The following OR3A2 variants were observed in gnomAD, a reference collection of about 807,000 sequenced individuals.
OR3A2 encodes the protein olfactory receptor family 3 subfamily A member 2.
For missense variants in OR3A2, 318 were observed against 392.8 expected, an observed-to-expected ratio of 0.81 and a Z score of 1.61; for synonymous variants, 126 against 159.3, an observed-to-expected ratio of 0.79 and a Z score of 1.57.
intron 3 of OR3A2, among the ~76,000 whole-genome samples, chr17:3,320,616 C>A (rs1390815953): frequency 6.7e-6 from 1 of 149,976 alleles, no homozygotes; most frequent in Non-Finnish European, 1.5e-5. Flanking sequence ...GTTTTCCCAG[C>A]ACCATTTATT....
intron 3 of OR3A2, among the ~76,000 whole-genome samples, chr17:3,315,250 G>C (rs762897877): frequency 7.2e-5 from 11 of 152,174 alleles, no homozygotes; most frequent in Non-Finnish European, 1.6e-4. Flanking sequence ...TAAGTTCTTT[G>C]AGAAATCTCC....
At chr17:3,369,099 TTTAC>T (rs1339866264) in intron 2 of OR3A2, among the ~76,000 whole-genome samples, 4 of 152,156 alleles carry the variant, frequency 2.6e-5, no homozygotes, top group African/African-American at 9.7e-5. Context: ...ATCCTGAAAG[TTTAC>T]TTAATTCATT....
At position 3,283,945 on chromosome 17, in the gene OR3A2, G is replaced by A. The variant is rs1256885098; in HGVS notation, c.-7+413C>T. On this transcript the variant is annotated intron_variant, in intron 1 of 1. Coordinates refer to ENST00000642052, the Ensembl canonical transcript of OR3A2. The stretch of plus-strand genomic sequence containing the variant: ...CCAGAGGGTCTGACAGGGTCCCCAC[G>A]AGGCCCACTGGGGAGCCCTCCTGCA... Among the ~76,000 whole-genome samples, 2 of 141,626 alleles carry A rather than the reference G, an allele frequency of 1.4e-5. 1 individual carries two copies. The highest frequency in any genetic ancestry group is 5.6e-5 in the African/African-American group (2 of 35,534). The allele number at this position is 141,626 out of a possible 152,430, so 92.9% of individuals were successfully genotyped here.
At chr17:3,278,874 A>C in exon 2 of OR3A2, 6 of 1,517,150 alleles carry the variant, frequency 4.0e-6, no homozygotes, top group Non-Finnish European at 5.3e-6. Flanking sequence ...CAGTAGAATG[A>C]ACTCAGCAAC....
At chr17:3,318,754 C>G (rs1324732786) in intron 3 of OR3A2, among the ~76,000 whole-genome samples, 2 of 152,140 alleles carry the variant, frequency 1.3e-5, no homozygotes, top group Non-Finnish European at 2.9e-5. Context: ...CAGCTATTTC[C>G]CTAAATGGGC....
chr17:3,319,900 G>A (rs558832231), intron 3 of OR3A2, among the ~76,000 whole-genome samples: 2,061 of 152,238 alleles, frequency 0.014, 21 homozygotes, highest in Non-Finnish European at 0.019. Context: ...CCCAGTCATG[G>A]GATGGCTGGG....
intron 2 of OR3A2, among the ~76,000 whole-genome samples, chr17:3,382,859 G>T (rs1279155897): frequency 2.6e-5 from 4 of 152,168 alleles, no homozygotes; most frequent in Admixed American, 2.6e-4. Flanking sequence ...AGTTAGTGTA[G>T]TGCTTATTAC....
intron 3 of OR3A2, among the ~76,000 whole-genome samples, chr17:3,332,364 C>G (rs1236553701): frequency 6.6e-6 from 1 of 152,214 alleles, no homozygotes; most frequent in Non-Finnish European, 1.5e-5. Context: ...ATCAGCGAGA[C>G]TCCGTGGGCG....
intron 2 of OR3A2, among the ~76,000 whole-genome samples, chr17:3,349,521 A>C (rs230458): frequency 0.41 from 62,511 of 151,834 alleles, 13,154 homozygotes; most frequent in Admixed American, 0.52. Context: ...GGAGCACCCA[A>C]ATTCATACAG....
chr17:3,286,068 C>G (rs1322133336), upstream of OR3A2, among the ~76,000 whole-genome samples: 3 of 152,070 alleles, frequency 2.0e-5, no homozygotes, highest in Non-Finnish European at 4.4e-5. Context: ...CTCCCCTTGC[C>G]CCCCACCCCC....
At chr17:3,289,602 G>A (rs558892398) in intron 3 of OR3A2, among the ~76,000 whole-genome samples, 15 of 152,240 alleles carry the variant, frequency 9.9e-5, no homozygotes, top group Admixed American at 2.0e-4. Context: ...AGGTGTGGTA[G>A]CTCCCTCAGG....
intron 3 of OR3A2, among the ~76,000 whole-genome samples, chr17:3,296,655 C>A: frequency 6.6e-6 from 1 of 151,690 alleles, no homozygotes; most frequent in Non-Finnish European, 1.5e-5. Flanking sequence ...GTCACTTTAC[C>A]CCAATCTATA....
At chr17:3,280,878 A>T (rs1485574557) in intron 1 of OR3A2, among the ~76,000 whole-genome samples, 8 of 152,328 alleles carry the variant, frequency 5.3e-5, no homozygotes, top group Admixed American at 3.9e-4. Context: ...TGTTCATAAA[A>T]GTGGGAATTG....
At chr17:3,383,623 C>G (rs1413382114) in intron 2 of OR3A2, among the ~76,000 whole-genome samples, 3 of 152,036 alleles carry the variant, frequency 2.0e-5, no homozygotes, top group Non-Finnish European at 2.9e-5. Flanking sequence ...TGAGAAGAAT[C>G]CTACAACTGA....
At chr17:3,360,129 G>A (rs536654246) in intron 2 of OR3A2, among the ~76,000 whole-genome samples, 3 of 151,944 alleles carry the variant, frequency 2.0e-5, no homozygotes, top group Admixed American at 2.0e-4. Flanking sequence ...GGTGTGACAT[G>A]ATATCTCATT....
At chr17:3,357,233 C>T (rs1347405932) in intron 2 of OR3A2, among the ~76,000 whole-genome samples, 4 of 151,592 alleles carry the variant, frequency 2.6e-5, no homozygotes, top group Non-Finnish European at 5.9e-5. Context: ...TCCTCAGTAG[C>T]CTGAAAACAC....
At chr17:3,322,830 GA>G (rs748850455) in intron 3 of OR3A2, among the ~76,000 whole-genome samples, 3 of 152,154 alleles carry the variant, frequency 2.0e-5, no homozygotes, top group Admixed American at 6.5e-5. Context: ...GTGTGTTTCT[GA>G]AAAGACTGTA....
At position 3,311,324 on chromosome 17, in the gene OR3A2, T is replaced by C. The variant is rs762248025; in HGVS notation, c.-85+24709A>G. 1 of 534,674 alleles carries C rather than the reference T, an allele frequency of 1.9e-6. No homozygotes were observed. The highest frequency in any genetic ancestry group is 3.8e-6 in the Non-Finnish European group (1 of 260,090). 33.1% of individuals were successfully genotyped at this position (534,674 alleles called of 1,614,324 possible). On this transcript the variant is annotated intron_variant, in intron 3 of 4. Coordinates refer to the OR3A2 transcript ENST00000573491. The surrounding 1 kb of genome is among the most constrained non-coding windows in gnomAD (Gnocchi z 4.6). ...TTCTTTCCCCACCTCCTGGCTGGGGTGGACTGTCACCTCTTAATAGCCATG... is the reference window on the plus strand; with the variant it reads ...TTCTTTCCCCACCTCCTGGCTGGGGCGGACTGTCACCTCTTAATAGCCATG...
chr17:3,352,895 C>T (rs1230452187), intron 2 of OR3A2, among the ~76,000 whole-genome samples: 4 of 151,828 alleles, frequency 2.6e-5, no homozygotes, highest in Non-Finnish European at 5.9e-5. Flanking sequence ...AATATCTTTC[C>T]ATTTCTGGTG....
Sources: gnomAD v4.1 joint callset for allele counts (sites outside exome capture counted in the v4.1 genomes callset) on GRCh38, gnomAD v4.1.1 for gene constraint, Gnocchi (gnomAD v3.1) non-coding constraint, MANE v1.5 for transcripts, NCBI Gene and HGNC (gene_info 2026-07-23, HGNC 2026-07-21) for gene names.